The following IGSF9 variants were observed in gnomAD, a reference collection of about 807,000 sequenced individuals.
The protein encoded by IGSF9 is protein turtle homolog A.
Under a neutral mutation model 121.7 loss-of-function variants are expected in IGSF9, and 87 were observed. The ratio of observed to expected loss-of-function variants is 0.71; its 90% CI spans 0.60 to 0.85. The LOEUF (loss-of-function observed/expected upper bound fraction) is 0.85, where lower values mean the gene tolerates loss of function less well. Ranked by LOEUF, IGSF9 falls within the 40% of genes least tolerant of loss-of-function variation. The probability of loss-of-function intolerance (pLI) is 0.00; values close to 1 mark genes in which losing one functional copy is unlikely to be tolerated. For synonymous variants in IGSF9, 640 were observed against 648.4 expected (o/e 0.99, Z 0.20); for missense variants, 1,462 against 1,565.3 (o/e 0.93, Z 1.11).
At position 159,929,710 on chromosome 1, in the gene IGSF9, C is replaced by G; in HGVS notation, c.2254G>C (p.Val752Leu). ...GVCFLGVAVL[V>L]SILAGCLLNR... Reference sequence around the variant, plus strand: ...AGGAGGCAGCCGGCCAGGATGCTCACAAGGACGGCCACTCCCAGAAAGCAG... The same window carrying G: ...AGGAGGCAGCCGGCCAGGATGCTCAGAAGGACGGCCACTCCCAGAAAGCAG... Residue 752 changes from valine to leucine, a missense_variant, in exon 17 of 21, where the codon GTG (valine) becomes CTG (leucine). By Grantham distance (32) the Val-to-Leu change is conservative (BLOSUM62 1). Transcript: ENST00000368094. 1 of 1,600,416 alleles carries G rather than the reference C, an allele frequency of 6.2e-7. No individual in the cohort carries two copies. The highest frequency in any genetic ancestry group is 8.5e-7 in the Non-Finnish European group (1 of 1,174,668).
Position 159,931,686 on chromosome 1 carries a change from T to C in IGSF9, c.1363-83A>G. On this transcript the variant is annotated intron_variant, in intron 11 of 20. Transcript: ENST00000368094. The surrounding 1 kb of genome is among the most constrained non-coding windows in gnomAD (Gnocchi z 4.8). ...CCCTCATCTCTCCAGGCAGCTCCAG[T>C]TCCTCCCCACCCTGCCTCTGACAGC... 6.5e-7 allele frequency: 1 copy of C among 1,544,136 alleles called. No homozygotes were observed. Among genetic ancestry groups the C allele is most frequent in the South Asian group, 1.2e-5 (1 of 86,248 alleles).
rs897483856 is a variant in IGSF9 at position 159,932,282 on chromosome 1, A to G, written c.1245+230T>C. The stretch of plus-strand genomic sequence containing the variant: ...GTTAGTGAGAGTTGGGGCAAACAGG[A>G]TATCTTACTTCTGGATGTGTGTGAC... On this transcript the variant is annotated intron_variant, in intron 10 of 20. Transcript: ENST00000368094. This position sits in a 1 kb window ranked among gnomAD's most constrained non-coding sequence, Gnocchi z 4.1. 1.7e-6 allele frequency: 1 copy of G among 592,366 alleles called. No homozygotes were observed. The highest frequency in any genetic ancestry group is 3.0e-6 in the Non-Finnish European group (1 of 333,436). 36.7% of individuals were successfully genotyped at this position (592,366 alleles called of 1,614,324 possible). A position where few individuals can be genotyped will look rare whatever the true frequency, so the allele number is the denominator to read the frequency against.
Position 159,929,455 on chromosome 1 carries a change from T to A in IGSF9, c.2327-62A>T, listed in dbSNP as rs1369413087. The stretch of plus-strand genomic sequence containing the variant: ...AAATCAAGGCCCTCTAGGCGGAGAC[T>A]CTCTCACCCAACACCAGGCGCCCAA... On this transcript the variant is annotated intron_variant, in intron 17 of 20. Transcript: ENST00000368094. The A allele has an allele frequency of 1.9e-6, 3 of 1,587,438 alleles. No homozygotes were observed. In the African/African-American group the frequency reaches 4.0e-5, roughly 21 times the overall value.
chr1:159,932,368 G>A lies in IGSF9; in HGVS notation c.1245+144C>T. On this transcript the variant is annotated intron_variant, in intron 10 of 20. Transcript: ENST00000368094. The surrounding 1 kb of genome is among the most constrained non-coding windows in gnomAD (Gnocchi z 4.1). ...ACCTCTGGGATGGCATCAGGCAGCT[G>A]CTGCCGTGGCCACCATGGGAAACAA... 2 of 857,262 alleles carry A rather than the reference G, an allele frequency of 2.3e-6. No homozygotes were observed. Among genetic ancestry groups the A allele is most frequent in the South Asian group, 1.7e-5 (1 of 59,686 alleles). The allele number at this position is 857,262 out of a possible 1,614,324, so 53.1% of individuals were successfully genotyped here. A position where few individuals can be genotyped will look rare whatever the true frequency, so the allele number is the denominator to read the frequency against.
At chr1:159,935,561 C>T (rs1651155154) in intron 6 of IGSF9, among the ~76,000 whole-genome samples, 1 of 152,224 alleles carries the variant, frequency 6.6e-6, no homozygotes, top group Admixed American at 6.5e-5. Context: ...TACTACAGTT[C>T]CACTACTCCT....
Position 159,936,386 on chromosome 1 carries a change from C to CG in IGSF9, c.673+12dup. On this transcript the variant is annotated intron_variant, in intron 6 of 20. Transcript: ENST00000368094. ...AGGTAACCCTGGACCCCAGCCCTCC[C>CG]GCCAGAGAGCACCTAGCACTAGCAG... 6.2e-7 allele frequency: 1 copy of CG among 1,610,444 alleles called. No homozygotes were observed. Among genetic ancestry groups the CG allele is most frequent in the Non-Finnish European group, 8.5e-7 (1 of 1,176,942 alleles).
rs1650795174 is a variant in IGSF9, at chr1:159,927,808, G to C, written c.3310C>G (p.Leu1104Val). 30 of 1,613,688 alleles carry C rather than the reference G, an allele frequency of 1.9e-5. No individual in the cohort carries two copies. Among genetic ancestry groups the C allele is most frequent in the African/African-American group, 2.7e-5 (2 of 74,786 alleles). The change falls in exon 20 of 21, where the codon CTG becomes GTG. Residue 1104 changes from leucine to valine, a missense_variant. This residue lies in a region of IGSF9 where 808 missense variants were observed against 815.2 expected (regional missense o/e 0.99). Coordinates refer to ENST00000368094, the MANE Select transcript of IGSF9 (RefSeq NM_001135050.2). ...GDMELLETLH[L>V]GLASSRLRPE... ...CTGAGCCGGGAGCTGGCCAAGCCCA[G>C]GTGCAAAGTCTCCAGCAATTCCATG...
rs1374275840 is a variant in IGSF9 at position 159,927,364 on chromosome 1, T to C, written c.3521A>G (p.Glu1174Gly). The C allele has an allele frequency of 1.1e-5, 18 of 1,613,652 alleles. No homozygotes were observed. The highest frequency in any genetic ancestry group is 6.7e-5 in the Admixed American group (4 of 59,980). ...PAYRQPVPHP[E>G]QATLL ...GGATGTTCACAGCAGAGTGGCCTGT[T>C]CGGGGTGGGGGACTGGCTGTCGATA... Residue 1174 changes from glutamate (E) to glycine (G), a missense_variant, in exon 21 of 21, where the codon GAA becomes GGA. Coordinates refer to ENST00000368094, the MANE Select transcript of IGSF9 (RefSeq NM_001135050.2).
rs537622167 is a variant in IGSF9, at chr1:159,932,349, G to T, written c.1245+163C>A. 1 of 703,968 alleles carries T rather than the reference G, an allele frequency of 1.4e-6. No individual in the cohort carries two copies. The highest frequency in any genetic ancestry group is 2.4e-6 in the Non-Finnish European group (1 of 422,542). The allele number at this position is 703,968 out of a possible 1,614,324, so 43.6% of individuals were successfully genotyped here. A position where few individuals can be genotyped will look rare whatever the true frequency, so the allele number is the denominator to read the frequency against. ...GAGCACCACCTCTGCAGAAACCTCT[G>T]GGATGGCATCAGGCAGCTGCTGCCG... On this transcript the variant is annotated intron_variant, in intron 10 of 20. Coordinates refer to ENST00000368094, the MANE Select transcript of IGSF9 (RefSeq NM_001135050.2). This position sits in a 1 kb window ranked among gnomAD's most constrained non-coding sequence, Gnocchi z 4.1.
At chr1:159,936,540 G>A in intron 5 of IGSF9, 24 bp from the exon 6 acceptor site, 1 of 1,607,200 alleles carries the variant, frequency 6.2e-7, no homozygotes, top group South Asian at 1.1e-5. Flanking sequence ...GGGTGAGGAA[G>A]AGTCCTTTCC....
chr1:159,927,076 T>TCACACA lies in IGSF9; in HGVS notation c.*263_*268dup, dbSNP rs138111490. 856 of 361,628 alleles carry TCACACA rather than the reference T, an allele frequency of 2.4e-3. 4 individuals carry two copies. The highest frequency in any genetic ancestry group is 9.1e-3 in the African/African-American group (393 of 43,068). 22.4% of individuals were successfully genotyped at this position (361,628 alleles called of 1,614,324 possible). Reference sequence around the variant, plus strand: ...TTTGTTTATTCACCTGTAAAAAACTTCACACACACACACACACACACAGAG... The same window carrying TCACACA: ...TTTGTTTATTCACCTGTAAAAAACTTCACACACACACACACACACACACACACAGAG... On this transcript the variant is annotated 3_prime_UTR_variant, in exon 21 of 21. Transcript: ENST00000368094.
At chr1:159,943,734 T>C (rs1172469935) in intron 1 of IGSF9, 106 bp from the exon 2 acceptor site, 1 of 372,328 alleles carries the variant, frequency 2.7e-6, no homozygotes, top group Non-Finnish European at 4.7e-6. Context: ...GGGAGGAGTG[T>C]AGTTAAGTGA....
In IGSF9 at chr1:159,930,304, G is replaced by C. The variant is rs1329003729; in HGVS notation, c.1949C>G (p.Pro650Arg). Residue 650 changes from proline (P) to arginine (R), a missense_variant, in exon 15 of 21, where the codon CCT becomes CGT. Physicochemically the swap from Pro to Arg is moderately radical, Grantham distance 103. Coordinates refer to ENST00000368094, the MANE Select transcript of IGSF9 (RefSeq NM_001135050.2). Reference protein sequence around the residue: ...LLHWDPPELVPKRLDGYVLEG... With the variant: ...LLHWDPPELVRKRLDGYVLEG... Reference sequence around the variant, plus strand: ...CAAGACGTAGCCATCCAGTCTCTTAGGGACCAGCTCTGGGGGATCCCAATG... The same window carrying C: ...CAAGACGTAGCCATCCAGTCTCTTACGGACCAGCTCTGGGGGATCCCAATG... The C allele has an allele frequency of 1.9e-6, 3 of 1,613,868 alleles. No individual in the cohort carries two copies. Among genetic ancestry groups the C allele is most frequent in the Admixed American group, 1.7e-5 (1 of 60,004 alleles).
At chr1:159,935,820 A>G (rs1423356103) in intron 6 of IGSF9, among the ~76,000 whole-genome samples, 1 of 152,220 alleles carries the variant, frequency 6.6e-6, no homozygotes, top group African/African-American at 2.4e-5. Context: ...CAACATTCAT[A>G]TTAGGCTTCC....
intron 14 of IGSF9, 65 bp downstream of exon 14, chr1:159,930,627 C>G (rs1328490895): frequency 1.2e-6 from 2 of 1,602,276 alleles, no homozygotes; most frequent in African/African-American, 2.7e-5. Flanking sequence ...CCTCCCATAT[C>G]CCAGCTCTCC....
rs764303804 is a variant in IGSF9 at position 159,934,235 on chromosome 1, G to C, written c.1059C>G (p.Leu353=). The stretch of plus-strand genomic sequence containing the variant: ...TTCCATCCTTGGTCCAGCTGACAAA[G>C]AGCAGTGGGGGGTTGGCACGAACCG... ...RCPVRANPPL[L]FVSWTKDGKA... is the part of the protein sequence containing the mutation. Residue 353 remains leucine, a synonymous_variant, in exon 9 of 21, where the codon CTC becomes CTG. Transcript: ENST00000368094. 184 of 1,613,950 alleles carry C rather than the reference G, an allele frequency of 1.1e-4. No individual in the cohort carries two copies. The highest frequency in any genetic ancestry group is 1.1e-5 in the South Asian group (1 of 91,026).
rs1274502246 is a variant in IGSF9 at position 159,929,710 on chromosome 1, C to T, written c.2254G>A (p.Val752Met). 1 of 1,600,416 alleles carries T rather than the reference C, an allele frequency of 6.2e-7. No homozygotes were observed. The highest frequency in any genetic ancestry group is 8.5e-7 in the Non-Finnish European group (1 of 1,174,668). Residue 752 changes from valine to methionine, a missense_variant, in exon 17 of 21, where the codon GTG (valine) becomes ATG (methionine). Val to Met is a conservative substitution (Grantham distance 21, BLOSUM62 1). Coordinates refer to ENST00000368094, the MANE Select transcript of IGSF9 (RefSeq NM_001135050.2). ...AGGAGGCAGCCGGCCAGGATGCTCA[C>T]AAGGACGGCCACTCCCAGAAAGCAG... ...GVCFLGVAVL[V>M]SILAGCLLNR...
In IGSF9 at chr1:159,927,097, C is replaced by CAGAGAGAGAGAGAG. The variant is rs1553225973; in HGVS notation, c.*234_*247dup. 13 of 371,868 alleles carry CAGAGAGAGAGAGAG rather than the reference C, an allele frequency of 3.5e-5. No individual in the cohort carries two copies. Among genetic ancestry groups the CAGAGAGAGAGAGAG allele is most frequent in the South Asian group, 1.5e-4 (4 of 26,284 alleles). The allele number at this position is 371,868 out of a possible 1,614,324, so 23.0% of individuals were successfully genotyped here. A position where few individuals can be genotyped will look rare whatever the true frequency, so the allele number is the denominator to read the frequency against. On this transcript the variant is annotated 3_prime_UTR_variant, in exon 21 of 21. Coordinates refer to ENST00000368094, the MANE Select transcript of IGSF9 (RefSeq NM_001135050.2). ...AACTTCACACACACACACACACACA[C>CAGAGAGAGAGAGAG]AGAGAGAGAGAGAGAGAGAGAGAGA...
chr1:159,941,464 G>A (rs1651377847), intron 3 of IGSF9, among the ~76,000 whole-genome samples: 1 of 152,248 alleles, frequency 6.6e-6, no homozygotes, highest in Non-Finnish European at 1.5e-5. Flanking sequence ...TGTGAACAAA[G>A]GATAGGAGCA....
Sources: gnomAD v4.1 joint callset for allele counts (sites outside exome capture counted in the v4.1 genomes callset) on GRCh38, gnomAD v4.1.1 for gene constraint, gnomAD v4.1.1 regional missense constraint, Gnocchi (gnomAD v3.1) non-coding constraint, MANE v1.5 for transcripts, NCBI Gene and HGNC (gene_info 2026-07-23, HGNC 2026-07-21) for gene names.